Variants in PRP4K observed in about 807,000 individuals in gnomAD.
PRP4K encodes the protein pre-mRNA processing factor kinase PRP4K, also known as serine/threonine-protein kinase PRP4 homolog.
chr6:4,037,406 T>A, the PRP4K span: 11 of 1,608,366 alleles, frequency 6.8e-6, no homozygotes, highest in Non-Finnish European at 9.3e-6. Context: ...GAACACGACC[T>A]CGAGATGATA....
the PRP4K span, chr6:4,021,454 G>A: frequency 1.3e-6 from 2 of 1,585,024 alleles, no homozygotes; most frequent in Admixed American, 1.8e-5. Flanking sequence ...CAGTCGCTAC[G>A]GGAGCAGCCA....
the PRP4K span, among the ~76,000 whole-genome samples, chr6:4,052,541 A>G: frequency 6.6e-6 from 1 of 152,236 alleles, no homozygotes; most frequent in African/African-American, 2.4e-5. Flanking sequence ...TTATATACAT[A>G]CAATTTGATA....
the PRP4K span, among the ~76,000 whole-genome samples, chr6:4,050,759 G>A: frequency 6.6e-6 from 1 of 152,172 alleles, no homozygotes; most frequent in South Asian, 2.1e-4. Flanking sequence ...ACCTTGTTTT[G>A]ATGGGAAGCC....
the PRP4K span, among the ~76,000 whole-genome samples, chr6:4,043,475 C>A: frequency 3.1e-4 from 47 of 152,198 alleles, no homozygotes; most frequent in Middle Eastern, 3.4e-3. Context: ...GGGTCTGCAG[C>A]AGACCCCATA....
chr6:4,061,781 A>G, the PRP4K span: 1 of 152,640 alleles, frequency 6.6e-6, no homozygotes, highest in Non-Finnish European at 1.5e-5. Flanking sequence ...TGTCTATTGC[A>G]TAAAACAGTT....
chr6:4,022,360 G>A, the PRP4K span, among the ~76,000 whole-genome samples: 12,424 of 150,580 alleles, frequency 0.083, 594 homozygotes, highest in Non-Finnish European at 0.098. Flanking sequence ...TTAACTTAAA[G>A]CAGTATTTTG....
At chr6:4,023,789 T>C in the PRP4K span, among the ~76,000 whole-genome samples, 1 of 152,276 alleles carries the variant, frequency 6.6e-6, no homozygotes, top group Admixed American at 6.5e-5. Context: ...TCATGGCTCA[T>C]TGTAGCCTCA....
chr6:4,029,264 T>C, the PRP4K span, among the ~76,000 whole-genome samples: 1 of 151,890 alleles, frequency 6.6e-6, no homozygotes, highest in Admixed American at 6.6e-5. Context: ...TTTTGTCACC[T>C]TCTTTCTCTA....
the PRP4K span, among the ~76,000 whole-genome samples, chr6:4,027,706 T>G: frequency 6.6e-6 from 1 of 152,154 alleles, no homozygotes; most frequent in East Asian, 1.9e-4. Flanking sequence ...TACTATTGTT[T>G]TCTCCGTCAT....
the PRP4K span, among the ~76,000 whole-genome samples, chr6:4,045,351 G>A: frequency 6.6e-6 from 1 of 152,080 alleles, no homozygotes; most frequent in Admixed American, 6.5e-5. Context: ...ATAGTTTACC[G>A]ACTCCTGCTC....
chr6:4,034,245 T>G, the PRP4K span, among the ~76,000 whole-genome samples: 38 of 152,086 alleles, frequency 2.5e-4, no homozygotes, highest in Non-Finnish European at 4.4e-5. Context: ...ACAAAACATA[T>G]AGATTGTTTT....
the PRP4K span, among the ~76,000 whole-genome samples, chr6:4,054,265 A>G: frequency 6.6e-6 from 1 of 152,084 alleles, no homozygotes; most frequent in Non-Finnish European, 1.5e-5. Flanking sequence ...TTAATCAATA[A>G]CTAAGCTATT....
At chr6:4,060,537 A>C in the PRP4K span, 1 of 1,613,980 alleles carries the variant, frequency 6.2e-7, no homozygotes. The surrounding 1 kb of genome is among the most constrained non-coding windows in gnomAD (Gnocchi z 4.7). Flanking sequence ...TTGTTGGACC[A>C]GATTCTGATG....
chr6:4,042,270 G>C, the PRP4K span, among the ~76,000 whole-genome samples: 1 of 152,286 alleles, frequency 6.6e-6, no homozygotes, highest in South Asian at 2.1e-4. Flanking sequence ...CAATTTTGGT[G>C]CCATGAAATA....
At chr6:4,040,713 A>C in the PRP4K span, 1 of 1,537,686 alleles carries the variant, frequency 6.5e-7, no homozygotes. Context: ...CCACACATGC[A>C]TGCCTTTCCC....
At chr6:4,037,490 A>C in the PRP4K span, 1 of 1,614,130 alleles carries the variant, frequency 6.2e-7, no homozygotes, top group Non-Finnish European at 8.5e-7. Flanking sequence ...GAAGAAGTAG[A>C]TCTCCCATTA....
chr6:4,043,057 T>C, the PRP4K span, among the ~76,000 whole-genome samples: 2 of 152,198 alleles, frequency 1.3e-5, no homozygotes, highest in African/African-American at 2.4e-5. Flanking sequence ...AAGAATGTTA[T>C]ACAAAGATCT....
the PRP4K span, among the ~76,000 whole-genome samples, chr6:4,054,300 T>C: frequency 6.6e-6 from 1 of 152,216 alleles, no homozygotes; most frequent in African/African-American, 2.4e-5. Context: ...TTTTCTTTTT[T>C]GTTAATATCT....
chr6:4,063,665 T>G, the PRP4K span: 1 of 152,094 alleles, frequency 6.6e-6, no homozygotes, highest in African/African-American at 2.4e-5. Context: ...ATTTAGCATA[T>G]CTAGACTACC....
Sources: allele counts gnomAD v4.1 joint callset (sites outside exome capture counted in the v4.1 genomes callset), GRCh38; gene constraint gnomAD v4.1.1; non-coding constraint Gnocchi (gnomAD v3.1); transcripts MANE v1.5; gene names NCBI Gene and HGNC (gene_info 2026-07-23, HGNC 2026-07-21).